RPH3A: variants seen among roughly 807,000 people sequenced by gnomAD.
RPH3A encodes the protein rabphilin-3A.
RPH3A carries 48 observed loss-of-function variants against 102.2 expected under a neutral mutation model. That is an observed-to-expected ratio of 0.47 (90% CI 0.37 to 0.60). The LOEUF is 0.60. RPH3A is among the 20% of genes least tolerant of loss of function. The probability of loss-of-function intolerance (pLI) is 0.00; values close to 1 mark genes in which losing one functional copy is unlikely to be tolerated. For missense variants in RPH3A, 781 were observed against 910.1 expected, an observed-to-expected ratio of 0.86 and a Z score of 1.83; for synonymous variants, 310 against 324.3, an observed-to-expected ratio of 0.96 and a Z score of 0.47.
At chr12:112,636,869 C>A (rs185906577) in intron 1 of RPH3A, among the ~76,000 whole-genome samples, 24 of 152,270 alleles carry the variant, frequency 1.6e-4, no homozygotes, top group South Asian at 4.1e-4. Context: ...CACCCTACCC[C>A]AGTTACTATA....
chr12:112,768,790 T>C (rs1383204237), intron 1 of RPH3A, among the ~76,000 whole-genome samples: 1 of 152,072 alleles, frequency 6.6e-6, no homozygotes, highest in Non-Finnish European at 1.5e-5. Context: ...CACACTTCTG[T>C]AATTCTAGCT....
At position 112,668,014 on chromosome 12, in the gene RPH3A, A is replaced by G. The variant is rs910709634; in HGVS notation, c.-140+92695A>G. ...CTTCAGATCAAATGTCTCTTCCTCCAGGAAGTCTTCTCTGACTTCCCTAGA... is the reference window on the plus strand; with the variant it reads ...CTTCAGATCAAATGTCTCTTCCTCCGGGAAGTCTTCTCTGACTTCCCTAGA... On this transcript the variant is annotated intron_variant, in intron 1 of 21. Coordinates refer to the RPH3A transcript ENST00000543106. 3.3e-5 allele frequency among the ~76,000 whole-genome samples: 5 copies of G among 152,304 alleles called. No individual in the cohort carries two copies. In the South Asian group the frequency reaches 6.2e-4, roughly 19 times the overall value.
chr12:112,704,154 T>C (rs993071503), intron 1 of RPH3A, among the ~76,000 whole-genome samples: 2 of 151,888 alleles, frequency 1.3e-5, no homozygotes, highest in Admixed American at 6.6e-5. Context: ...AGTGGCATGA[T>C]CTCAACTCAC....
At position 112,817,706 on chromosome 12, in the gene RPH3A, A is replaced by C. The variant is rs2041701754; in HGVS notation, c.-18-10595A>C. ...TAAGTAGTTAGTTTTGCTTTTAATT[A>C]GTGTTGTTTATTGTCACTGAATTTT... On this transcript the variant is annotated intron_variant, in intron 2 of 21. Transcript: ENST00000389385. Among the ~76,000 whole-genome samples, 5 of 152,060 alleles carry C rather than the reference A, an allele frequency of 3.3e-5. 1 individual carries two copies. The South Asian group carries it at 1.0e-3, about 32-fold the overall frequency.
chr12:112,660,989 A>G (rs1178495469), intron 1 of RPH3A, among the ~76,000 whole-genome samples: 4 of 152,180 alleles, frequency 2.6e-5, no homozygotes, highest in Non-Finnish European at 5.9e-5. Context: ...CAGGGAAAGG[A>G]GTCTGCCTTC....
At chr12:112,697,183 CTG>C (rs2040358793) in intron 1 of RPH3A, among the ~76,000 whole-genome samples, 2 of 152,066 alleles carry the variant, frequency 1.3e-5, no homozygotes, top group South Asian at 4.1e-4. Flanking sequence ...AGAAATAAAA[CTG>C]TATTTTCAGG....
chr12:112,651,949 A>G (rs1341255332), intron 1 of RPH3A: 3 of 152,192 alleles, frequency 2.0e-5, no homozygotes, highest in African/African-American at 7.2e-5. Flanking sequence ...AAGGCTGAAT[A>G]ATATTTCATT....
chr12:112,732,237 T>C (rs2040639827), intron 1 of RPH3A, among the ~76,000 whole-genome samples: 2 of 152,180 alleles, frequency 1.3e-5, no homozygotes, highest in Admixed American at 6.5e-5. Context: ...CTCTATTACC[T>C]TGGCTACTTC....
At chr12:112,678,232 CGAAAGAAAGAAA>C (rs757546615) in intron 1 of RPH3A, among the ~76,000 whole-genome samples, 4,019 of 74,648 alleles carry the variant, frequency 0.054, 505 homozygotes, top group South Asian at 0.072. Flanking sequence ...AAGACCCTGT[CGAAAGAAAGAAA>C]GAAAGAAAGA....
intron 4 of RPH3A, 82 bp from the exon 5 acceptor site, chr12:112,847,614 T>A: frequency 1.4e-6 from 2 of 1,465,764 alleles, no homozygotes. Context: ...TTGTCCACAG[T>A]TTCCCAGACA....
At chr12:112,793,940 T>G (rs2041177342) in intron 2 of RPH3A, among the ~76,000 whole-genome samples, 1 of 152,104 alleles carries the variant, frequency 6.6e-6, no homozygotes, top group Admixed American at 6.5e-5. Context: ...ATATTTATAT[T>G]TTATTTTAAT....
chr12:112,787,543 T>C (rs2041059728), upstream of RPH3A, among the ~76,000 whole-genome samples: 1 of 152,196 alleles, frequency 6.6e-6, no homozygotes, highest in South Asian at 2.1e-4. Flanking sequence ...AGATAAAGCA[T>C]GGCACCTGGT....
At chr12:112,889,608 G>A (rs748027116) in intron 17 of RPH3A, among the ~76,000 whole-genome samples, 14 of 152,132 alleles carry the variant, frequency 9.2e-5, no homozygotes, top group Non-Finnish European at 1.5e-4. Context: ...CAGCAAAAGG[G>A]CCCCAGGGGC....
chr12:112,886,992 A>G (rs1354443352), intron 16 of RPH3A, among the ~76,000 whole-genome samples: 1 of 152,244 alleles, frequency 6.6e-6, no homozygotes, highest in Non-Finnish European at 1.5e-5. Context: ...CTAAAATTAG[A>G]GACTGACATA....
At chr12:112,608,362 C>T (rs899253962) in intron 1 of RPH3A, among the ~76,000 whole-genome samples, 5 of 152,050 alleles carry the variant, frequency 3.3e-5, no homozygotes, top group Admixed American at 6.6e-5. Context: ...GTGATCCACC[C>T]GCTTTGGTCT....
intron 1 of RPH3A, among the ~76,000 whole-genome samples, chr12:112,659,214 C>T (rs781320807): frequency 4.6e-5 from 7 of 152,146 alleles, no homozygotes; most frequent in South Asian, 2.1e-4. Context: ...AAGAAATGAA[C>T]GTGAATGCAT....
chr12:112,678,051 G>A (rs1219989621), intron 1 of RPH3A, among the ~76,000 whole-genome samples: 2 of 151,650 alleles, frequency 1.3e-5, no homozygotes, highest in African/African-American at 2.4e-5. Flanking sequence ...ACAAACATTA[G>A]CCAGGCATGG....
intron 10 of RPH3A, 97 bp downstream of exon 10, chr12:112,870,136 T>C (rs1188406347): frequency 8.1e-7 from 1 of 1,228,264 alleles, no homozygotes; most frequent in Non-Finnish European, 1.1e-6. Flanking sequence ...TTAGGCAGCA[T>C]TTATTGAGTC....
intron 1 of RPH3A, among the ~76,000 whole-genome samples, chr12:112,672,736 C>G (rs755025449): frequency 6.6e-6 from 1 of 152,208 alleles, no homozygotes; most frequent in African/African-American, 2.4e-5. Flanking sequence ...AGCCGTCAGA[C>G]AGATTACATC....
Sources: gnomAD v4.1 joint callset for allele counts (sites outside exome capture counted in the v4.1 genomes callset) on GRCh38, gnomAD v4.1.1 for gene constraint, MANE v1.5 for transcripts, NCBI Gene and HGNC (gene_info 2026-07-23, HGNC 2026-07-21) for gene names.